Variants in LIMS1 observed in about 807,000 individuals in gnomAD.
LIMS1 encodes LIM zinc finger domain containing 1.
LIMS1 carries 18 observed loss-of-function variants against 44.1 expected under a neutral mutation model. The observed-to-expected ratio is 0.41, with a 90% CI of 0.28 to 0.61. The LOEUF is 0.61. LIMS1 is among the 20% of genes least tolerant of loss of function. The pLI is 0.32. For missense variants in LIMS1, 201 were observed against 422.0 expected (o/e 0.48, Z 4.59); for synonymous variants, 93 against 149.1 (o/e 0.62, Z 2.74).
intron 1 of LIMS1, among the ~76,000 whole-genome samples, chr2:108,627,081 A>G (rs1233329733): frequency 6.6e-6 from 1 of 152,188 alleles, no homozygotes; most frequent in East Asian, 1.9e-4. Flanking sequence ...ACAGTTGCCT[A>G]CAGTATTCAA....
chr2:108,611,190 C>A (rs1367454882), intron 1 of LIMS1, among the ~76,000 whole-genome samples: 7 of 152,180 alleles, frequency 4.6e-5, no homozygotes, highest in Non-Finnish European at 4.4e-5. Flanking sequence ...TAGTAAGTTA[C>A]ACTTTCTATG....
In LIMS1 at chr2:108,680,681, T is replaced by C. The variant is rs774809861; in HGVS notation, c.824-14T>C. 1.7e-5 allele frequency: 27 copies of C among 1,609,210 alleles called. No individual in the cohort carries two copies. Among genetic ancestry groups the C allele is most frequent in the Non-Finnish European group, 2.0e-5 (23 of 1,178,806 alleles). On this transcript the variant is annotated splice_polypyrimidine_tract_variant and intron_variant, in intron 8 of 9. Transcript: ENST00000544547. ...GTATTTCCATGTGACCAGATCTCTT[T>C]CCTCTTTCTCCAGTGGTCTCTGCTC...
chr2:108,608,225 A>G (rs942805782), intron 1 of LIMS1, among the ~76,000 whole-genome samples: 3 of 151,712 alleles, frequency 2.0e-5, no homozygotes, highest in African/African-American at 7.3e-5. Context: ...TATTCTTAAC[A>G]GTGCATGGGA....
intron 1 of LIMS1, among the ~76,000 whole-genome samples, chr2:108,550,271 G>C (rs1017502493): frequency 6.6e-6 from 1 of 151,966 alleles, no homozygotes; most frequent in Non-Finnish European, 1.5e-5. Flanking sequence ...TTAGGTAGGA[G>C]GATCGTGAGG....
At chr2:108,615,296 G>C (rs1363695682) in intron 1 of LIMS1, among the ~76,000 whole-genome samples, 2 of 152,116 alleles carry the variant, frequency 1.3e-5, no homozygotes, top group Non-Finnish European at 2.9e-5. Flanking sequence ...TAAAGTTTTA[G>C]CTTTATATGT....
rs184993249 is a variant in LIMS1 at position 108,577,973 on chromosome 2, A to G, written c.32+43379A>G. Among the ~76,000 whole-genome samples, 10 of 152,282 alleles carry G rather than the reference A, an allele frequency of 6.6e-5. 1 individual carries two copies. Among genetic ancestry groups the G allele is most frequent in the Middle Eastern group, 3.4e-3 (1 of 294 alleles). On this transcript the variant is annotated intron_variant, in intron 1 of 9. Coordinates refer to ENST00000544547, the Ensembl canonical transcript of LIMS1. ...CGCCCGATCTAGAGTGCAGTGGCAC[A>G]GTCTCGGCTCACTGCAACCTTCACC...
At chr2:108,606,794 GGA>G (rs1687292162) in intron 1 of LIMS1, among the ~76,000 whole-genome samples, 1 of 152,240 alleles carries the variant, frequency 6.6e-6, no homozygotes, top group African/African-American at 2.4e-5. Flanking sequence ...TCCTATGTGA[GGA>G]GAGAGGCTGG....
At chr2:108,649,210 A>G (rs1157720407) in intron 1 of LIMS1, among the ~76,000 whole-genome samples, 3 of 152,268 alleles carry the variant, frequency 2.0e-5, no homozygotes, top group Non-Finnish European at 4.4e-5. Context: ...TATGCAGCCA[A>G]CAGACATGAA....
chr2:108,534,310 G>T (rs1173795794), upstream of LIMS1: 3 of 145,678 alleles, frequency 2.1e-5, no homozygotes, highest in African/African-American at 6.0e-5. Flanking sequence ...TCTCCAGTCC[G>T]CGCCCTTCGG....
intron 9 of LIMS1, among the ~76,000 whole-genome samples, chr2:108,683,019 C>G (rs1225164571): frequency 2.0e-5 from 3 of 152,280 alleles, no homozygotes; most frequent in African/African-American, 7.2e-5. Context: ...TCTCCAGGAC[C>G]ATTTTAAAAA....
chr2:108,635,013 G>A (rs1689139477), intron 1 of LIMS1, among the ~76,000 whole-genome samples: 1 of 152,220 alleles, frequency 6.6e-6, no homozygotes, highest in Non-Finnish European at 1.5e-5. Context: ...GTGGCCCCCA[G>A]ACATGTCACT....
intron 1 of LIMS1, among the ~76,000 whole-genome samples, chr2:108,647,821 A>G (rs1690179109): frequency 6.6e-6 from 1 of 152,222 alleles, no homozygotes; most frequent in South Asian, 2.1e-4. Flanking sequence ...TCTCAAAATA[A>G]TAAGAGCTAT....
intron 1 of LIMS1, among the ~76,000 whole-genome samples, chr2:108,588,970 C>T (rs1311797867): frequency 6.6e-6 from 1 of 152,116 alleles, no homozygotes; most frequent in Non-Finnish European, 1.5e-5. Flanking sequence ...TGGTTTATAT[C>T]CTGCAGAGCC....
chr2:108,560,693 CGATG>C (rs760488620), intron 1 of LIMS1, among the ~76,000 whole-genome samples: 5 of 151,908 alleles, frequency 3.3e-5, no homozygotes, highest in Non-Finnish European at 7.4e-5. Context: ...CACACAGCTT[CGATG>C]GATGGATGGA....
At position 108,643,160 on chromosome 2, in the gene LIMS1, G is replaced by T. The variant is rs34450085; in HGVS notation, c.33-16445G>T. The stretch of plus-strand genomic sequence containing the variant: ...CCAAAGACCCAACTTAGCCATGAGG[G>T]CTGATTAGAGTATAGAACCTCTTAA... On this transcript the variant is annotated intron_variant, in intron 1 of 9. Coordinates refer to ENST00000544547, the Ensembl canonical transcript of LIMS1. Among the ~76,000 whole-genome samples, 1,265 of 152,322 alleles carry T rather than the reference G, an allele frequency of 8.3e-3. 8 individuals carry two copies. Among genetic ancestry groups the T allele is most frequent in the Non-Finnish European group, 0.013 (910 of 68,026 alleles).
At chr2:108,534,647 G>A in intron 1 of LIMS1, 53 bp downstream of exon 1, 1 of 1,019,562 alleles carries the variant, frequency 9.8e-7, no homozygotes, top group South Asian at 4.5e-5. Context: ...GCTCCCGGCG[G>A]GCCTTCGGGC....
chr2:108,611,883 A>T (rs1558808759), intron 1 of LIMS1, among the ~76,000 whole-genome samples: 1 of 145,976 alleles, frequency 6.9e-6, no homozygotes. Context: ...ATATATATAA[A>T]ATATATACAC....
chr2:108,564,698 G>A (rs1302301461), intron 1 of LIMS1, among the ~76,000 whole-genome samples: 3 of 152,066 alleles, frequency 2.0e-5, no homozygotes, highest in Admixed American at 6.6e-5. Flanking sequence ...CACGTCATAC[G>A]ATTTAGTATA....
At chr2:108,568,920 C>G (rs1384890377) in intron 1 of LIMS1, among the ~76,000 whole-genome samples, 1 of 151,938 alleles carries the variant, frequency 6.6e-6, no homozygotes, top group East Asian at 1.9e-4. Flanking sequence ...GAGATGGAGT[C>G]TCACTCTGTT....
Sources: gnomAD v4.1 joint callset for allele counts (sites outside exome capture counted in the v4.1 genomes callset) on GRCh38, gnomAD v4.1.1 for gene constraint, MANE v1.5 for transcripts, NCBI Gene and HGNC (gene_info 2026-07-23, HGNC 2026-07-21) for gene names.